RPL3L: variants seen among roughly 807,000 people sequenced by gnomAD.
RPL3L encodes the protein ribosomal protein uL3-like.
A neutral mutation model predicts 44.5 loss-of-function variants in RPL3L; 44 were observed. The ratio of observed to expected loss-of-function variants is 0.99; its 90% confidence interval spans 0.78 to 1.27. RPL3L has a LOEUF of 1.27. Ranked by LOEUF, RPL3L falls within the 50% of genes most tolerant of loss-of-function variation. The pLI, the probability that RPL3L is intolerant of heterozygous loss-of-function variation, is 0.00. For synonymous variants in RPL3L, 292 were observed against 230.7 expected (o/e 1.27, Z -2.41); for missense variants, 631 against 569.1 (o/e 1.11, Z -1.11).
chr16:1,946,874 G>A (rs2083125125), intron 6 of RPL3L, 64 bp downstream of exon 6: 1 of 1,563,222 alleles, frequency 6.4e-7, no homozygotes, highest in African/African-American at 1.3e-5. Flanking sequence ...CCCACCCACT[G>A]AGGCCAGTAC....
chr16:1,952,737 T>A, intron 3 of RPL3L, 137 bp downstream of exon 3: 1 of 971,828 alleles, frequency 1.0e-6, no homozygotes, highest in Middle Eastern at 3.3e-4. Flanking sequence ...ACACAGACAC[T>A]CCTACCTCCC....
chr16:1,950,986 C>T lies in RPL3L; in HGVS notation c.366-7G>A. ...TTTCTTCTTGCTCTTGTGCCTGAGC[C>T]ATGCACAGGAGGGTGCTCAGAAGCC... On this transcript the variant is annotated splice_region_variant and splice_polypyrimidine_tract_variant and intron_variant, in intron 3 of 9. Transcript: ENST00000268661. 1 of 1,613,466 alleles carries T rather than the reference C, an allele frequency of 6.2e-7. No homozygotes were observed. Among genetic ancestry groups the T allele is most frequent in the South Asian group, 1.1e-5 (1 of 91,086 alleles).
At chr16:1,952,573 A>C (rs1372343270) in intron 3 of RPL3L, among the ~76,000 whole-genome samples, 1 of 151,642 alleles carries the variant, frequency 6.6e-6, no homozygotes, top group Non-Finnish European at 1.5e-5. Context: ...ATGGGGTTTC[A>C]CCATGTTGGC....
In RPL3L at chr16:1,952,834, C is replaced by G. The variant is rs13334737; in HGVS notation, c.365+40G>C. ...CCTCAGGCACCCAACTTCTGTGGTCCCAGCAGCCCTTGGACGGCCCAGCCA... is the reference window on the plus strand; with the variant it reads ...CCTCAGGCACCCAACTTCTGTGGTCGCAGCAGCCCTTGGACGGCCCAGCCA... On this transcript the variant is annotated intron_variant, in intron 3 of 9. Transcript: ENST00000268661. 19,409 of 1,607,318 alleles carry G rather than the reference C, an allele frequency of 0.012. 1,964 individuals carry two copies. The African/African-American group carries it at 0.22, about 18-fold the overall frequency.
intron 4 of RPL3L, among the ~76,000 whole-genome samples, chr16:1,948,974 G>A (rs970494617): frequency 1.3e-5 from 2 of 150,660 alleles, no homozygotes; most frequent in Admixed American, 1.3e-4. Flanking sequence ...GCCTCCCAAA[G>A]TGCTGGAATT....
chr16:1,948,667 T>G (rs2083143847), intron 4 of RPL3L, among the ~76,000 whole-genome samples: 2 of 151,810 alleles, frequency 1.3e-5, no homozygotes, highest in Admixed American at 6.6e-5. Context: ...CCTGAGTAGC[T>G]GGGATGACAG....
intron 1 of RPL3L, 101 bp downstream of exon 1, chr16:1,954,528 G>A: frequency 2.3e-6 from 3 of 1,325,738 alleles, no homozygotes; most frequent in African/African-American, 1.5e-5. Flanking sequence ...CTCACAGGCT[G>A]GGAGACTGTC....
At position 1,954,073 on chromosome 16, in the gene RPL3L, C is replaced by T. The variant is rs1185471456; in HGVS notation, c.79G>A (p.Gly27Ser). 2.5e-6 allele frequency: 4 copies of T among 1,605,390 alleles called. No individual in the cohort carries two copies. Among genetic ancestry groups the T allele is most frequent in the South Asian group, 1.1e-5 (1 of 89,498 alleles). Reference sequence around the variant, plus strand: ...TCCCGCGGCCACGTCTTCACCTTGCCCCGGTGCCGGTGGCTCCTCTTATGG... The same window carrying T: ...TCCCGCGGCCACGTCTTCACCTTGCTCCGGTGCCGGTGGCTCCTCTTATGG... The part of the protein sequence containing the change: ...LPHKRSHRHR[G>S]KVKTWPRDDP... Residue 27 changes from glycine (G) to serine (S), a missense_variant, in exon 2 of 10, where the codon GGC (glycine) becomes AGC (serine). Gly to Ser is a moderately conservative substitution (Grantham distance 56, BLOSUM62 0). Coordinates refer to ENST00000268661, the MANE Select transcript of RPL3L (RefSeq NM_005061.3).
intron 4 of RPL3L, among the ~76,000 whole-genome samples, chr16:1,948,710 TG>T (rs1362543100): frequency 1.7e-4 from 24 of 140,652 alleles, no homozygotes; most frequent in African/African-American, 6.8e-4. Context: ...GTTTTTTTTT[TG>T]TTTGTTTGTT....
At chr16:1,951,732 T>A (rs950975801) in intron 3 of RPL3L, among the ~76,000 whole-genome samples, 4 of 136,248 alleles carry the variant, frequency 2.9e-5, no homozygotes, top group African/African-American at 1.1e-4. Flanking sequence ...TGGACATTAT[T>A]ATTATTATTA....
intron 3 of RPL3L, among the ~76,000 whole-genome samples, chr16:1,951,453 C>T (rs1215561914): frequency 3.3e-5 from 5 of 152,062 alleles, no homozygotes; most frequent in Admixed American, 6.6e-5. Flanking sequence ...ACAAACACAG[C>T]TCACTGCAGC....
Position 1,945,571 on chromosome 16 carries a change from G to T in RPL3L, c.1095C>A (p.Leu365=), listed in dbSNP as rs1490462518. Reference sequence around the variant, plus strand: ...ACTTGGAGGTGGTGTCAATGAACTTGAGCTCAATATTCTCCACGGCTTGGC... The same window carrying T: ...ACTTGGAGGTGGTGTCAATGAACTTTAGCTCAATATTCTCCACGGCTTGGC... ...HSRQAVENIE[L]KFIDTTSKFG... The change falls in exon 9 of 10, where the codon CTC becomes CTA. Residue 365 remains leucine, a synonymous_variant. Transcript: ENST00000268661. 6.2e-7 allele frequency: 1 copy of T among 1,613,882 alleles called. No homozygotes were observed. The highest frequency in any genetic ancestry group is 8.5e-7 in the Non-Finnish European group (1 of 1,179,958).
chr16:1,944,840 C>A lies in RPL3L; in HGVS notation c.1221G>T (p.Leu407Phe). ...EKETPETSGD[L>F] The stretch of plus-strand genomic sequence containing the variant: ...GGGTTCATCCACCCCACACAGCCTA[C>A]AAGTCTCCCGAGGTCTCCGGCGTTT... The change falls in exon 10 of 10, where the codon TTG (leucine) becomes TTT (phenylalanine). Residue 407 changes from leucine to phenylalanine, a missense_variant. Coordinates refer to ENST00000268661, the MANE Select transcript of RPL3L (RefSeq NM_005061.3). 1 of 1,614,082 alleles carries A rather than the reference C, an allele frequency of 6.2e-7. No homozygotes were observed. The highest frequency in any genetic ancestry group is 8.5e-7 in the Non-Finnish European group (1 of 1,180,016).
At position 1,945,563 on chromosome 16, in the gene RPL3L, A is replaced by G. The variant is rs1355907072; in HGVS notation, c.1103T>C (p.Ile368Thr). 2.5e-6 allele frequency: 4 copies of G among 1,613,868 alleles called. No individual in the cohort carries two copies. The highest frequency in any genetic ancestry group is 1.7e-5 in the Admixed American group (1 of 60,010). ...QAVENIELKF[I>T]DTTSKFGHGR... Reference sequence around the variant, plus strand: ...ATGGCCGAACTTGGAGGTGGTGTCAATGAACTTGAGCTCAATATTCTCCAC... The same window carrying G: ...ATGGCCGAACTTGGAGGTGGTGTCAGTGAACTTGAGCTCAATATTCTCCAC... Residue 368 changes from isoleucine to threonine, a missense_variant, in exon 9 of 10, where the codon ATT becomes ACT. Ile to Thr is a moderately conservative substitution (Grantham distance 89). Transcript: ENST00000268661.
Position 1,953,015 on chromosome 16 carries a change from G to T in RPL3L, c.224C>A (p.Ala75Glu). ...LKISKREEVE[A>E]VTIVETPPLV... is the part of the protein sequence containing the mutation. ...GGGCGGCGTTTCTACAATTGTCACC[G>T]CCTCCACCTCCTCCCGTTTGGAAAT... Residue 75 changes from alanine to glutamate, a missense_variant, in exon 3 of 10, where the codon GCG becomes GAG. Ala to Glu is a moderately radical substitution (Grantham distance 107). Transcript: ENST00000268661. 1.2e-6 allele frequency: 2 copies of T among 1,605,496 alleles called. No homozygotes were observed. Among genetic ancestry groups the T allele is most frequent in the Non-Finnish European group, 1.7e-6 (2 of 1,175,630 alleles).
intron 4 of RPL3L, among the ~76,000 whole-genome samples, chr16:1,950,449 C>T (rs1485439971): frequency 3.3e-5 from 5 of 152,048 alleles, no homozygotes; most frequent in Non-Finnish European, 7.4e-5. Context: ...AAGAGTGTTC[C>T]AGAATAAGCT....
At position 1,947,049 on chromosome 16, in the gene RPL3L, C is replaced by T; in HGVS notation, c.738G>A (p.Lys246=). ...HTKKLPRKTH[K]GLRKVACIGA... is the part of the protein sequence containing the mutation. The stretch of plus-strand genomic sequence containing the variant: ...CAATGCAGGCCACCTTGCGCAGGCC[C>T]TTATGGGTCTTCCGCGGCAGCTTCT... Residue 246 remains lysine, a synonymous_variant, in exon 6 of 10, where the codon AAG becomes AAA. Coordinates refer to ENST00000268661, the MANE Select transcript of RPL3L (RefSeq NM_005061.3). 6.2e-7 allele frequency: 1 copy of T among 1,613,404 alleles called. No individual in the cohort carries two copies. The highest frequency in any genetic ancestry group is 8.5e-7 in the Non-Finnish European group (1 of 1,179,974).
chr16:1,946,028 G>A (rs1485195859), intron 7 of RPL3L, 98 bp from the exon 8 acceptor site: 1 of 1,032,394 alleles, frequency 9.7e-7, no homozygotes, highest in Non-Finnish European at 1.4e-6. Context: ...GGCAGTGATA[G>A]GCAGGAGCCC....
chr16:1,946,902 CCA>C, intron 6 of RPL3L, 34 bp downstream of exon 6: 6 of 1,577,490 alleles, frequency 3.8e-6, no homozygotes, highest in African/African-American at 1.3e-5. Context: ...TGGGGTCCGA[CCA>C]CACAGTGTCC....
Sources: allele counts gnomAD v4.1 joint callset (sites outside exome capture counted in the v4.1 genomes callset), GRCh38; gene constraint gnomAD v4.1.1; transcripts MANE v1.5; gene names NCBI Gene and HGNC (gene_info 2026-07-23, HGNC 2026-07-21).